Variants in MMD2 observed in about 807,000 individuals in gnomAD.
MMD2 encodes monocyte to macrophage differentiation associated 2.
In MMD2, 30 loss-of-function variants were observed where a neutral mutation model predicts 33.5. The observed-to-expected ratio is 0.90, with a 90% CI of 0.67 to 1.22. The LOEUF is 1.22. Among genes scored for constraint, MMD2 ranks in the 50% most tolerant of loss-of-function variants. MMD2 has a pLI of 0.00. For missense variants in MMD2, 364 were observed against 325.4 expected (o/e 1.12, Z -0.91); for synonymous variants, 129 against 123.0 (o/e 1.05, Z -0.32).
intron 1 of MMD2, among the ~76,000 whole-genome samples, chr7:4,955,285 A>G (rs1032830326): frequency 2.0e-5 from 3 of 152,206 alleles, no homozygotes; most frequent in Admixed American, 1.3e-4. Context: ...ATGTTTCTTG[A>G]TGTAGAAAAG....
chr7:4,916,059 T>C lies in MMD2; in HGVS notation c.311A>G (p.His104Arg). The change falls in exon 4 of 7, where the codon CAC (histidine) becomes CGC (arginine). Residue 104 changes from histidine (H) to arginine (R), a missense_variant. Transcript: ENST00000401401. The stretch of plus-strand genomic sequence containing the variant: ...ATAGATGACCATCCGGTCGAACATG[T>C]GTAGACAGTGTTCCACCATCCTAGG... ...SHLRMVEHCL[H>R]MFDRMVIYFF... The C allele has an allele frequency of 1.2e-6, 2 of 1,613,748 alleles. No individual in the cohort carries two copies. Among genetic ancestry groups the C allele is most frequent in the South Asian group, 1.1e-5 (1 of 91,066 alleles).
chr7:4,907,397 C>T lies in MMD2; in HGVS notation c.740G>A (p.Ter247=), dbSNP rs1784890487. ...PSTLQTKVSK[*] Reference sequence around the variant, plus strand: ...ACGACCTCTCAAGTCTGGGTCACCTCATTTGGACACCTTGGTCTGCAGGGT... The same window carrying T: ...ACGACCTCTCAAGTCTGGGTCACCTTATTTGGACACCTTGGTCTGCAGGGT... The change falls in exon 7 of 7, where the codon TGA becomes TAA. Residue 247 remains the stop codon, a stop_retained_variant. Coordinates refer to ENST00000401401, the MANE Select transcript of MMD2 (RefSeq NM_198403.4). 6.2e-7 allele frequency: 1 copy of T among 1,613,694 alleles called. No individual in the cohort carries two copies.
At chr7:4,893,114 G>A in the MMD2 span, among the ~76,000 whole-genome samples, 3 of 151,944 alleles carry the variant, frequency 2.0e-5, no homozygotes, top group Admixed American at 2.0e-4. Context: ...TCAGGTGTGG[G>A]GGAATGGGGT....
chr7:4,899,908 A>G, the MMD2 span, among the ~76,000 whole-genome samples: 1 of 152,164 alleles, frequency 6.6e-6, no homozygotes, highest in Non-Finnish European at 1.5e-5. Flanking sequence ...ACACTGCAAC[A>G]GGGGCAAAAA....
chr7:4,909,614 T>C, intron 6 of MMD2: 1 of 638,366 alleles, frequency 1.6e-6, no homozygotes. Flanking sequence ...TAATTTTTTT[T>C]TTTTTAGAGA....
chr7:4,929,744 C>T (rs1309115730), intron 1 of MMD2, among the ~76,000 whole-genome samples: 1 of 151,906 alleles, frequency 6.6e-6, no homozygotes, highest in Non-Finnish European at 1.5e-5. Context: ...AGGTTGGTCT[C>T]AATCTCCTCA....
At chr7:4,902,115 T>C (rs1008282030), downstream of MMD2, among the ~76,000 whole-genome samples, 1 of 152,124 alleles carries the variant, frequency 6.6e-6, no homozygotes, top group Non-Finnish European at 1.5e-5. Context: ...CACAGCCGGC[T>C]AATTTTTTAT....
chr7:4,914,270 C>A lies in MMD2; in HGVS notation c.365+1735G>T, dbSNP rs1583360625. 2.0e-5 allele frequency among the ~76,000 whole-genome samples: 3 copies of A among 152,152 alleles called. No homozygotes were observed. The East Asian group carries it at 5.8e-4, about 29-fold the overall frequency. On this transcript the variant is annotated intron_variant, in intron 4 of 6. Coordinates refer to ENST00000401401, the MANE Select transcript of MMD2 (RefSeq NM_198403.4). Reference sequence around the variant, plus strand: ...TTTGATAGTTTATTCTGAAGTTTATCTCTGGGAAATTATTAGAAGTGTCTC... The same window carrying A: ...TTTGATAGTTTATTCTGAAGTTTATATCTGGGAAATTATTAGAAGTGTCTC...
At chr7:4,903,430 TC>T (rs1784820778), downstream of MMD2, among the ~76,000 whole-genome samples, 1 of 151,814 alleles carries the variant, frequency 6.6e-6, no homozygotes, top group Non-Finnish European at 1.5e-5. Context: ...TGATTCTCCC[TC>T]GCGGAGCCTG....
intron 4 of MMD2, among the ~76,000 whole-genome samples, chr7:4,912,264 A>G (rs374671619): frequency 5.3e-5 from 8 of 152,158 alleles, no homozygotes; most frequent in African/African-American, 1.7e-4. Context: ...GTATGTATAA[A>G]GAGATAACTG....
intron 4 of MMD2, among the ~76,000 whole-genome samples, chr7:4,915,654 C>T (rs1203721192): frequency 2.0e-5 from 3 of 151,676 alleles, no homozygotes; most frequent in Non-Finnish European, 2.9e-5. Context: ...GCAGGAGAAT[C>T]GCTTCAACCA....
intron 1 of MMD2, among the ~76,000 whole-genome samples, chr7:4,945,189 T>TTCTTCTTCTTCTTCTTCC (rs1249337430): frequency 2.5e-5 from 3 of 121,756 alleles, no homozygotes; most frequent in East Asian, 2.3e-4. Flanking sequence ...TTCCTCTTTC[T>TTCTTCTTCTTCTTCTTCC]TCTTCTTCTT....
intron 4 of MMD2, among the ~76,000 whole-genome samples, chr7:4,914,393 G>A (rs1009442288): frequency 6.6e-6 from 1 of 152,162 alleles, no homozygotes; most frequent in African/African-American, 2.4e-5. Context: ...CTCAATGCCT[G>A]CAGAATTTGT....
intron 1 of MMD2, among the ~76,000 whole-genome samples, chr7:4,947,386 G>C (rs1378338275): frequency 2.4e-5 from 3 of 125,810 alleles, no homozygotes; most frequent in Non-Finnish European, 4.9e-5. Context: ...GAAGGAAGAG[G>C]GGTGCTATGC....
At chr7:4,927,168 T>A (rs1305343610) in intron 1 of MMD2, among the ~76,000 whole-genome samples, 1 of 152,194 alleles carries the variant, frequency 6.6e-6, no homozygotes, top group Non-Finnish European at 1.5e-5. Flanking sequence ...GCCCATGAAC[T>A]TTTTTGTGCA....
Position 4,954,820 on chromosome 7 carries a change from T to C in MMD2, c.47+4151A>G, listed in dbSNP as rs750197704. 2.4e-4 allele frequency among the ~76,000 whole-genome samples: 36 copies of C among 152,354 alleles called. No individual in the cohort carries two copies. In the Middle Eastern group the frequency reaches 0.01, roughly 43 times the overall value. On this transcript the variant is annotated intron_variant, in intron 1 of 6. Transcript: ENST00000401401. Reference sequence around the variant, plus strand: ...ACCCCAAAGTTCAAAAGTTATTCTTTTATAGATTCTCAAAGTTTTCAACTT... The same window carrying C: ...ACCCCAAAGTTCAAAAGTTATTCTTCTATAGATTCTCAAAGTTTTCAACTT...
Position 4,930,930 on chromosome 7 carries a change from A to C in MMD2, c.48-5398T>G, listed in dbSNP as rs1212196590. Among the ~76,000 whole-genome samples the C allele has an allele frequency of 2.0e-5, 3 of 152,130 alleles. No individual in the cohort carries two copies. The East Asian group carries it at 5.8e-4, about 30-fold the overall frequency. On this transcript the variant is annotated intron_variant, in intron 1 of 6. Coordinates refer to ENST00000401401, the MANE Select transcript of MMD2 (RefSeq NM_198403.4). ...CAGTGGCGCGATCTCGGCTGACTGC[A>C]ACCTTCGCCTCCTGGGTTCAAGTGA...
chr7:4,911,369 T>C (rs1785004025), intron 4 of MMD2, 123 bp from the exon 5 acceptor site: 1 of 677,998 alleles, frequency 1.5e-6, no homozygotes, highest in Non-Finnish European at 2.5e-6. Flanking sequence ...ACTCCACGGC[T>C]GGGACATGGG....
chr7:4,907,288 C>A lies in MMD2; in HGVS notation c.*108G>T. 1 of 1,086,190 alleles carries A rather than the reference C, an allele frequency of 9.2e-7. No individual in the cohort carries two copies. 67.3% of individuals were successfully genotyped at this position (1,086,190 alleles called of 1,614,324 possible). A position where few individuals can be genotyped will look rare whatever the true frequency, so the allele number is the denominator to read the frequency against. ...GAAGTCACCTTGGAGCCATCAAGAA[C>A]TCTACCCAATAAAGGGAAGACAGGC... On this transcript the variant is annotated 3_prime_UTR_variant, in exon 7 of 7. Coordinates refer to ENST00000401401, the MANE Select transcript of MMD2 (RefSeq NM_198403.4).
Sources: allele counts gnomAD v4.1 joint callset (sites outside exome capture counted in the v4.1 genomes callset), GRCh38; gene constraint gnomAD v4.1.1; transcripts MANE v1.5; gene names NCBI Gene and HGNC (gene_info 2026-07-23, HGNC 2026-07-21).